The following VDR variants were observed in gnomAD, a reference collection of about 807,000 sequenced individuals.
The protein encoded by VDR is vitamin D receptor.
In VDR, 19 loss-of-function variants were observed where a neutral mutation model predicts 39.7. The observed-to-expected ratio is 0.48, with a 90% CI of 0.33 to 0.70. VDR has a LOEUF of 0.70. Ranked by LOEUF, VDR falls within the 30% of genes least tolerant of loss-of-function variation. VDR has a pLI of 0.02. For synonymous variants in VDR, 242 were observed against 215.8 expected (o/e 1.12, Z -1.07); for missense variants, 442 against 570.5 (o/e 0.77, Z 2.29).
At chr12:47,859,305 C>T (rs115360941) in intron 4 of VDR, among the ~76,000 whole-genome samples, 1,559 of 152,292 alleles carry the variant, frequency 0.01, 32 homozygotes, top group African/African-American at 0.035. Flanking sequence ...ATTCTCCTGC[C>T]CAGATACTTT....
chr12:47,852,655 A>G (rs939202624), intron 7 of VDR, among the ~76,000 whole-genome samples: 1 of 152,172 alleles, frequency 6.6e-6, no homozygotes, highest in Non-Finnish European at 1.5e-5. Context: ...GAGCATCGAA[A>G]AATTTCTGTT....
intron 3 of VDR, among the ~76,000 whole-genome samples, chr12:47,876,363 C>A (rs1296088376): frequency 5.3e-5 from 8 of 152,310 alleles, no homozygotes; most frequent in South Asian, 2.1e-4. Flanking sequence ...CCATAGATAA[C>A]CCCACTCATT....
intron 6 of VDR, among the ~76,000 whole-genome samples, chr12:47,856,304 C>T (rs1945486056): frequency 6.6e-6 from 1 of 152,176 alleles, no homozygotes; most frequent in Non-Finnish European, 1.5e-5. Flanking sequence ...AGCTATTTGA[C>T]ATTAGTCAAA....
At chr12:47,904,462 T>TAAAAAAAAAAAAAAAAAAAAAAAAAAA (rs17886628) in intron 1 of VDR, 9 of 360,340 alleles carry the variant, frequency 2.5e-5, no homozygotes, top group East Asian at 6.8e-5. Flanking sequence ...CAAAGAAAAG[T>TAAAAAAAAAAAAAAAAAAAAAAAAAAA]AAAAAAAAAA....
chr12:47,870,769 G>A (rs889852735), intron 3 of VDR, among the ~76,000 whole-genome samples: 1 of 152,172 alleles, frequency 6.6e-6, no homozygotes, highest in Non-Finnish European at 1.5e-5. Context: ...AGATTCCAGC[G>A]TCTGCTCAGG....
At chr12:47,892,855 T>C (rs554088489) in intron 1 of VDR, among the ~76,000 whole-genome samples, 22 of 152,254 alleles carry the variant, frequency 1.4e-4, no homozygotes, top group African/African-American at 5.3e-4. Context: ...AGAAGGCTCT[T>C]TGGAGGCTGT....
At chr12:47,867,861 A>AG (rs1004801390) in intron 3 of VDR, among the ~76,000 whole-genome samples, 21 of 152,324 alleles carry the variant, frequency 1.4e-4, no homozygotes, top group African/African-American at 5.1e-4. Flanking sequence ...CATGGGGTTG[A>AG]GGGGAATCGC....
At chr12:47,896,773 T>G (rs2137245175) in intron 1 of VDR, 1 of 152,240 alleles carries the variant, frequency 6.6e-6, no homozygotes, top group Non-Finnish European at 1.5e-5. Context: ...CCCCACTTCT[T>G]AACATCATGG....
intron 3 of VDR, among the ~76,000 whole-genome samples, chr12:47,877,766 G>A (rs181932710): frequency 6.6e-6 from 1 of 152,318 alleles, no homozygotes; most frequent in East Asian, 1.9e-4. Context: ...GGCAAATGCA[G>A]CAACACGACT....
At chr12:47,890,161 A>C (rs1445333095) in intron 1 of VDR, among the ~76,000 whole-genome samples, 1 of 151,628 alleles carries the variant, frequency 6.6e-6, no homozygotes, top group Non-Finnish European at 1.5e-5. Flanking sequence ...GCCACGAAAC[A>C]AGGCGGGGAG....
At chr12:47,900,176 G>A (rs60556433) in intron 1 of VDR, among the ~76,000 whole-genome samples, 5,987 of 152,222 alleles carry the variant, frequency 0.039, 400 homozygotes, top group African/African-American at 0.14. Context: ...CCAGAGTAAG[G>A]TGCCCAAGAC....
rs747706629 is a variant in VDR, at chr12:47,887,921, C to T, written c.-83-5147G>A. 5.8e-4 allele frequency among the ~76,000 whole-genome samples: 88 copies of T among 152,238 alleles called. 1 individual carries two copies. The highest frequency in any genetic ancestry group is 1.1e-3 in the Non-Finnish European group (76 of 68,036). On this transcript the variant is annotated intron_variant, in intron 1 of 9. Coordinates refer to ENST00000549336, the MANE Select transcript of VDR (RefSeq NM_000376.3). Reference sequence around the variant, plus strand: ...CTTCATTAACCCTTTTGGGACTATGCATCACCTTTGAGAACCTGCTAAAAG... The same window carrying T: ...CTTCATTAACCCTTTTGGGACTATGTATCACCTTTGAGAACCTGCTAAAAG...
intron 4 of VDR, among the ~76,000 whole-genome samples, chr12:47,860,561 C>A (rs1945607780): frequency 6.6e-6 from 1 of 152,208 alleles, no homozygotes; most frequent in Non-Finnish European, 1.5e-5. Context: ...TAACGGAACA[C>A]TTTTAACGTC....
At chr12:47,889,765 A>G (rs1171118403) in intron 1 of VDR, among the ~76,000 whole-genome samples, 3 of 152,222 alleles carry the variant, frequency 2.0e-5, no homozygotes, top group Admixed American at 2.0e-4. Flanking sequence ...GACCCAAACT[A>G]CTGCTAGTGT....
chr12:47,859,914 C>CAA (rs751273803), intron 4 of VDR, among the ~76,000 whole-genome samples: 1 of 55,258 alleles, frequency 1.8e-5, no homozygotes, highest in Non-Finnish European at 3.5e-5. Flanking sequence ...TCCTTCCTTC[C>CAA]TTCTTTCTTT....
intron 2 of VDR, 66 bp downstream of exon 2, chr12:47,882,628 T>TGCC: frequency 1.6e-5 from 3 of 187,186 alleles, no homozygotes; most frequent in African/African-American, 6.9e-5. Context: ...CTTATGCCCC[T>TGCC]CCCCCCCACC....
intron 3 of VDR, among the ~76,000 whole-genome samples, chr12:47,876,258 T>G (rs998103881): frequency 1.3e-5 from 2 of 152,174 alleles, no homozygotes; most frequent in African/African-American, 4.8e-5. Context: ...TGTTTGTTTA[T>G]GTACATATCA....
rs539187884 is a variant in VDR, at chr12:47,872,442, C to T, written c.146+6526G>A. ...AAACATCTCATTAAGAATTTGAGAC[C>T]CCTGAAGCAGACACCATGTCTTAGG... is the stretch of plus-strand genomic sequence containing the variant. On this transcript the variant is annotated intron_variant, in intron 3 of 9. Coordinates refer to ENST00000549336, the MANE Select transcript of VDR (RefSeq NM_000376.3). Among the ~76,000 whole-genome samples the T allele has an allele frequency of 3.0e-4, 45 of 152,192 alleles. No homozygotes were observed. The South Asian group carries it at 8.9e-3, about 30-fold the overall frequency.
At chr12:47,870,565 A>G (rs1216550017) in intron 3 of VDR, among the ~76,000 whole-genome samples, 1 of 152,218 alleles carries the variant, frequency 6.6e-6, no homozygotes, top group African/African-American at 2.4e-5. Flanking sequence ...TTCTCATGCC[A>G]GAGACCAGTT....
Sources: allele counts gnomAD v4.1 joint callset (sites outside exome capture counted in the v4.1 genomes callset), GRCh38; gene constraint gnomAD v4.1.1; transcripts MANE v1.5; gene names NCBI Gene and HGNC (gene_info 2026-07-23, HGNC 2026-07-21).